Variants in SLC35A4 observed in about 807,000 individuals in gnomAD.
The protein encoded by SLC35A4 is probable UDP-sugar transporter protein SLC35A4.
SLC35A4 carries 9 observed loss-of-function variants against 18.8 expected under a neutral mutation model. The observed-to-expected ratio is 0.48, with a 90% confidence interval of 0.29 to 0.83. The LOEUF is 0.83. Among genes scored for constraint, SLC35A4 ranks in the 40% least tolerant of loss-of-function variants. The pLI is 0.09. For synonymous variants in SLC35A4, 189 were observed against 191.9 expected, an observed-to-expected ratio of 0.98 and a Z score of 0.13; for missense variants, 404 against 415.5, an observed-to-expected ratio of 0.97 and a Z score of 0.24.
chr5:140,565,828 TG>T, intron 1 of SLC35A4, 44 bp from the exon 2 acceptor site: 1 of 398,446 alleles, frequency 2.5e-6, no homozygotes, highest in Non-Finnish European at 4.4e-6. Context: ...GAGCAAGGGG[TG>T]GGGCTTAGTC....
chr5:140,567,675 C>T lies in SLC35A4; in HGVS notation c.506C>T (p.Pro169Leu), dbSNP rs1755224063. The T allele has an allele frequency of 1.2e-6, 2 of 1,613,992 alleles. No homozygotes were observed. The highest frequency in any genetic ancestry group is 3.3e-5 in the Admixed American group (2 of 60,010). Reference sequence around the variant, plus strand: ...CTTCAAGTTCCCGGGAACACCCTTCCCAGTCCCCCTCCAGCAGCTGCTGCC... The same window carrying T: ...CTTCAAGTTCCCGGGAACACCCTTCTCAGTCCCCCTCCAGCAGCTGCTGCC... ...GGLQVPGNTL[P>L]SPPPAAAASP... Residue 169 changes from proline to leucine, a missense_variant, in exon 3 of 3, where the codon CCC (proline) becomes CTC (leucine). Coordinates refer to ENST00000323146, the MANE Select transcript of SLC35A4 (RefSeq NM_080670.4).
intron 2 of SLC35A4, among the ~76,000 whole-genome samples, chr5:140,566,333 G>A (rs1440291125): frequency 6.6e-6 from 1 of 152,192 alleles, no homozygotes; most frequent in Admixed American, 6.5e-5. Context: ...ACCTTGTGTG[G>A]CGGTGGAGTT....
Position 140,567,453 on chromosome 5 carries a change from T to A in SLC35A4, c.284T>A (p.Leu95His), listed in dbSNP as rs773593488. Residue 95 changes from leucine to histidine, a missense_variant, in exon 3 of 3, where the codon CTC becomes CAC. Coordinates refer to ENST00000323146, the MANE Select transcript of SLC35A4 (RefSeq NM_080670.4). Reference protein sequence around the residue: ...QAAPFALSALLYGANNNLVIY... With the variant: ...QAAPFALSALHYGANNNLVIY... ...GCTCCCTTCGCACTATCAGCCCTGC[T>A]CTATGGCGCTAACAACAACCTGGTG... is the stretch of plus-strand genomic sequence containing the variant. The A allele has an allele frequency of 6.2e-7, 1 of 1,614,088 alleles. No homozygotes were observed. The highest frequency in any genetic ancestry group is 8.5e-7 in the Non-Finnish European group (1 of 1,180,036).
In SLC35A4 at chr5:140,567,820, G is replaced by A. The variant is rs1321165430; in HGVS notation, c.651G>A (p.Leu217=). The A allele has an allele frequency of 4.3e-6, 7 of 1,614,048 alleles. No homozygotes were observed. Among genetic ancestry groups the A allele is most frequent in the Non-Finnish European group, 5.9e-6 (7 of 1,180,032 alleles). Residue 217 remains leucine (L), a synonymous_variant, in exon 3 of 3, where the codon CTG becomes CTA. Transcript: ENST00000323146. ...ELLMKRQRLP[L]ALQNLFLYTF... ...TCATGAAGCGACAGCGGCTGCCCCT[G>A]GCACTTCAGAACCTCTTCCTCTACA... is the stretch of plus-strand genomic sequence containing the variant.
Position 140,567,882 on chromosome 5 carries a change from G to A in SLC35A4, c.713G>A (p.Gly238Asp), listed in dbSNP as rs1755232685. 1 of 1,614,192 alleles carries A rather than the reference G, an allele frequency of 6.2e-7. No individual in the cohort carries two copies. Among genetic ancestry groups the A allele is most frequent in the Non-Finnish European group, 8.5e-7 (1 of 1,180,026 alleles). ...GVLLNLGLHA[G>D]GGSGPGLLEG... Reference sequence around the variant, plus strand: ...CTTCTGAATCTAGGTCTGCATGCTGGCGGCGGCTCTGGCCCAGGCCTCCTG... The same window carrying A: ...CTTCTGAATCTAGGTCTGCATGCTGACGGCGGCTCTGGCCCAGGCCTCCTG... Residue 238 changes from glycine (G) to aspartate (D), a missense_variant, in exon 3 of 3, where the codon GGC becomes GAC. Transcript: ENST00000323146.
At position 140,568,596 on chromosome 5, in the gene SLC35A4, C is replaced by T. The variant is rs775979006; in HGVS notation, c.*452C>T. On this transcript the variant is annotated 3_prime_UTR_variant, in exon 3 of 3. Transcript: ENST00000323146. ...GCCCAGCCATGGTGCATGACTCTTC[C>T]ATAAGGGATCCTCACCCTTCCACTT... 109 of 204,572 alleles carry T rather than the reference C, an allele frequency of 5.3e-4. No individual in the cohort carries two copies. The highest frequency in any genetic ancestry group is 1.0e-3 in the Non-Finnish European group (95 of 91,178). The allele number at this position is 204,572 out of a possible 1,614,324, so 12.7% of individuals were successfully genotyped here. A position where few individuals can be genotyped will look rare whatever the true frequency, so the allele number is the denominator to read the frequency against.
At position 140,566,726 on chromosome 5, in the gene SLC35A4, G is replaced by A. The variant is rs1755195940; in HGVS notation, c.-444G>A. On this transcript the variant is annotated 5_prime_UTR_variant, in exon 3 of 3. Transcript: ENST00000323146. ...TGCCCAACGTGGAGAAGACATTAAGGGACTATTTGCAGTTGCTACGCAAGG... is the reference window on the plus strand; with the variant it reads ...TGCCCAACGTGGAGAAGACATTAAGAGACTATTTGCAGTTGCTACGCAAGG... The A allele has an allele frequency of 1.7e-6, 1 of 591,382 alleles. No homozygotes were observed. Among genetic ancestry groups the A allele is most frequent in the African/African-American group, 1.9e-5 (1 of 53,710 alleles). The allele number at this position is 591,382 out of a possible 1,614,324, so 36.6% of individuals were successfully genotyped here. A position where few individuals can be genotyped will look rare whatever the true frequency, so the allele number is the denominator to read the frequency against.
chr5:140,568,343 G>C lies in SLC35A4; in HGVS notation c.*199G>C. On this transcript the variant is annotated 3_prime_UTR_variant, in exon 3 of 3. Transcript: ENST00000323146. ...GTACCCCTAGGAGATGTGAAGTGTG[G>C]GTTTGGTTAAGGAAATGCTTACCAT... 1.2e-6 allele frequency: 1 copy of C among 828,192 alleles called. No individual in the cohort carries two copies. Among genetic ancestry groups the C allele is most frequent in the Non-Finnish European group, 1.9e-6 (1 of 532,778 alleles). The allele number at this position is 828,192 out of a possible 1,614,324, so 51.3% of individuals were successfully genotyped here. A position where few individuals can be genotyped will look rare whatever the true frequency, so the allele number is the denominator to read the frequency against.
rs757096461 is a variant in SLC35A4, at chr5:140,568,222, C to T, written c.*78C>T. ...CAGATCCCCCTCCCAGGCCTTCCTC[C>T]CTCTCCCATCAGCAGCCCTGTAACA... On this transcript the variant is annotated 3_prime_UTR_variant, in exon 3 of 3. Coordinates refer to ENST00000323146, the MANE Select transcript of SLC35A4 (RefSeq NM_080670.4). The T allele has an allele frequency of 1.2e-6, 2 of 1,605,206 alleles. No homozygotes were observed. Among genetic ancestry groups the T allele is most frequent in the South Asian group, 1.1e-5 (1 of 89,764 alleles).
At chr5:140,566,425 TG>T (rs1755189877) in intron 2 of SLC35A4, 139 bp from the exon 3 acceptor site, 1 of 397,962 alleles carries the variant, frequency 2.5e-6, no homozygotes, top group Non-Finnish European at 4.4e-6. Context: ...CCCAGAACCT[TG>T]GGAAAAATCT....
rs1016857049 is a variant in SLC35A4 at position 140,565,861 on chromosome 5, C to T, written c.-704-12C>T. 2 of 398,772 alleles carry T rather than the reference C, an allele frequency of 5.0e-6. No homozygotes were observed. Among genetic ancestry groups the T allele is most frequent in the African/African-American group, 2.1e-5 (1 of 48,628 alleles). The allele number at this position is 398,772 out of a possible 1,614,324, so 24.7% of individuals were successfully genotyped here. A position where few individuals can be genotyped will look rare whatever the true frequency, so the allele number is the denominator to read the frequency against. On this transcript the variant is annotated splice_polypyrimidine_tract_variant and intron_variant, in intron 1 of 2. Coordinates refer to ENST00000323146, the MANE Select transcript of SLC35A4 (RefSeq NM_080670.4). ...AGTCAGACTGCTGGAGCCAGCCTCT[C>T]GCTTGTCCTAGGATTCTCTGCCTAA...
rs1440134811 is a variant in SLC35A4 at position 140,564,950 on chromosome 5, C to T, written c.-705+92C>T. 2.5e-6 allele frequency: 1 copy of T among 399,934 alleles called. No homozygotes were observed. The highest frequency in any genetic ancestry group is 4.4e-5 in the Admixed American group (1 of 22,748). 24.8% of individuals were successfully genotyped at this position (399,934 alleles called of 1,614,324 possible). On this transcript the variant is annotated intron_variant, in intron 1 of 2. Coordinates refer to ENST00000323146, the MANE Select transcript of SLC35A4 (RefSeq NM_080670.4). This position sits in a 1 kb window ranked among gnomAD's most constrained non-coding sequence, Gnocchi z 5.0. ...GGGGAGAAGCGACTCTGGAGCGGCT[C>T]AGGAGTGAGGATGTCCCTTGTTTCT...
Position 140,568,884 on chromosome 5 carries a change from A to G in SLC35A4, c.*740A>G, listed in dbSNP as rs1211237001. On this transcript the variant is annotated 3_prime_UTR_variant, in exon 3 of 3. Transcript: ENST00000323146. ...AGGGCTGTCTTGAAGCCCGCTACCC[A>G]CTCTGAGGCTCCTAGGAGGTACCAT... 5 of 166,016 alleles carry G rather than the reference A, an allele frequency of 3.0e-5. No homozygotes were observed. The highest frequency in any genetic ancestry group is 1.2e-4 in the African/African-American group (5 of 41,008). 10.3% of individuals were successfully genotyped at this position (166,016 alleles called of 1,614,324 possible).
At position 140,567,440 on chromosome 5, in the gene SLC35A4, C is replaced by T. The variant is rs776701857; in HGVS notation, c.271C>T (p.Leu91=). Residue 91 remains leucine (L), a synonymous_variant, in exon 3 of 3, where the codon CTA becomes TTA. Transcript: ENST00000323146. ...CTGGCGCCAGGCTGCTCCCTTCGCACTATCAGCCCTGCTCTATGGCGCTAA... is the reference window on the plus strand; with the variant it reads ...CTGGCGCCAGGCTGCTCCCTTCGCATTATCAGCCCTGCTCTATGGCGCTAA... ...PPWRQAAPFA[L]SALLYGANNN... 6.1e-5 allele frequency: 99 copies of T among 1,614,030 alleles called. 1 individual carries two copies. The Middle Eastern group carries it at 9.9e-4, about 16-fold the overall frequency.
chr5:140,565,039 G>A (rs890210405), intron 1 of SLC35A4, 181 bp downstream of exon 1: 3 of 397,860 alleles, frequency 7.5e-6, no homozygotes. Context: ...TCGGCGAGGC[G>A]GGAGGAGCCG....
chr5:140,567,961 ACTGCTCATGTCTG>A lies in SLC35A4; in HGVS notation c.796_808del (p.Leu266SerfsTer2). On this transcript the variant is annotated frameshift_variant, in exon 3 of 3. Transcript: ENST00000323146. LOFTEE classifies it high-confidence loss of function. ...TGGTGCTGAGCCAGGCACTAAATGGACTGCTCATGTCTGCTGTCATGAAGCATGGCAGCAGCAT... is the reference window on the plus strand; with the variant it reads ...TGGTGCTGAGCCAGGCACTAAATGGACTGTCATGAAGCATGGCAGCAGCAT... The A allele has an allele frequency of 6.2e-7, 1 of 1,614,132 alleles. No homozygotes were observed. The highest frequency in any genetic ancestry group is 2.2e-5 in the East Asian group (1 of 44,874).
In SLC35A4 at chr5:140,567,603, C is replaced by T. The variant is rs372175682; in HGVS notation, c.434C>T (p.Ala145Val). 4.8e-5 allele frequency: 78 copies of T among 1,614,104 alleles called. No individual in the cohort carries two copies. The highest frequency in any genetic ancestry group is 6.1e-5 in the Non-Finnish European group (72 of 1,180,048). ...RHRLSVRQGL[A>V]LLLLMAAGAC... Reference sequence around the variant, plus strand: ...CGCCTCTCTGTGCGTCAGGGGTTAGCGCTGCTGCTGCTGATGGCTGCGGGA... The same window carrying T: ...CGCCTCTCTGTGCGTCAGGGGTTAGTGCTGCTGCTGCTGATGGCTGCGGGA... Residue 145 changes from alanine (A) to valine (V), a missense_variant, in exon 3 of 3, where the codon GCG becomes GTG. Coordinates refer to ENST00000323146, the MANE Select transcript of SLC35A4 (RefSeq NM_080670.4).
Position 140,568,184 on chromosome 5 carries a change from TG to T in SLC35A4, c.*43del. On this transcript the variant is annotated 3_prime_UTR_variant, in exon 3 of 3. Transcript: ENST00000323146. The stretch of plus-strand genomic sequence containing the variant: ...CACCCTGATTCCGGACCCTGTAGAT[TG>T]GGCGCCACCACCAGATCCCCCTCCC... 6.2e-7 allele frequency: 1 copy of T among 1,613,284 alleles called. No homozygotes were observed. Among genetic ancestry groups the T allele is most frequent in the Admixed American group, 1.7e-5 (1 of 60,002 alleles).
At position 140,566,942 on chromosome 5, in the gene SLC35A4, C is replaced by A; in HGVS notation, c.-228C>A. The A allele has an allele frequency of 1.4e-6, 1 of 703,190 alleles. No individual in the cohort carries two copies. 43.6% of individuals were successfully genotyped at this position (703,190 alleles called of 1,614,324 possible). A position where few individuals can be genotyped will look rare whatever the true frequency, so the allele number is the denominator to read the frequency against. On this transcript the variant is annotated 5_prime_UTR_variant, in exon 3 of 3. Transcript: ENST00000323146. ...CAGCCTGCACCCTGGATTCCTTCTT[C>A]CCCTTCCTAGCTCCATGGGACTCGC...
Sources: allele counts gnomAD v4.1 joint callset (sites outside exome capture counted in the v4.1 genomes callset), GRCh38; gene constraint gnomAD v4.1.1; non-coding constraint Gnocchi (gnomAD v3.1); transcripts MANE v1.5; gene names NCBI Gene and HGNC (gene_info 2026-07-23, HGNC 2026-07-21).